The following NLN variants were observed in gnomAD, a reference collection of about 807,000 sequenced individuals.
NLN encodes neurolysin, mitochondrial.
NLN carries 64 observed loss-of-function variants against 79.9 expected under a neutral mutation model. The ratio of observed to expected loss-of-function variants is 0.80; its 90% confidence interval spans 0.65 to 0.99. The LOEUF is 0.99. Among genes scored for constraint, NLN ranks in the 50% least tolerant of loss-of-function variants. NLN has a pLI of 0.00. For synonymous variants in NLN, 267 were observed against 296.6 expected, an observed-to-expected ratio of 0.90 and a Z score of 1.02; for missense variants, 835 against 858.7, an observed-to-expected ratio of 0.97 and a Z score of 0.34.
In NLN at chr5:65,722,312, C is replaced by T; in HGVS notation, c.-62C>T. 4 of 1,420,200 alleles carry T rather than the reference C, an allele frequency of 2.8e-6. No homozygotes were observed. Among genetic ancestry groups the T allele is most frequent in the Non-Finnish European group, 3.8e-6 (4 of 1,061,540 alleles). 88.0% of individuals were successfully genotyped at this position (1,420,200 alleles called of 1,614,324 possible). A position where few individuals can be genotyped will look rare whatever the true frequency, so the allele number is the denominator to read the frequency against. On this transcript the variant is annotated 5_prime_UTR_variant, in exon 1 of 13. Coordinates refer to ENST00000380985, the MANE Select transcript of NLN (RefSeq NM_020726.5). ...CTCCCGGGCGCCCAGGCGCTGCCGC[C>T]CGCCTCGCCGCCCCACGCCGAAGGA...
At position 65,824,013 on chromosome 5, in the gene NLN, A is replaced by G. The variant is rs1760861203; in HGVS notation, c.*1098A>G. 6.6e-6 allele frequency: 1 copy of G among 152,166 alleles called. No individual in the cohort carries two copies. The highest frequency in any genetic ancestry group is 1.5e-5 in the Non-Finnish European group (1 of 68,040). The allele number at this position is 152,166 out of a possible 1,614,324, so 9.4% of individuals were successfully genotyped here. A position where few individuals can be genotyped will look rare whatever the true frequency, so the allele number is the denominator to read the frequency against. ...TGTCTGGTGATTTTTATTTTAAGTG[A>G]ACCTTTGGATCTATCTTTAACTCTC... On this transcript the variant is annotated 3_prime_UTR_variant, in exon 13 of 13. Coordinates refer to ENST00000380985, the MANE Select transcript of NLN (RefSeq NM_020726.5).
intron 9 of NLN, among the ~76,000 whole-genome samples, chr5:65,793,991 A>C (rs1204255409): frequency 1.3e-5 from 2 of 152,236 alleles, no homozygotes; most frequent in Non-Finnish European, 2.9e-5. Context: ...TCTTAAATCC[A>C]TACGGTGTCC....
At chr5:65,766,018 C>T (rs989824551) in intron 3 of NLN, among the ~76,000 whole-genome samples, 1 of 152,170 alleles carries the variant, frequency 6.6e-6, no homozygotes, top group African/African-American at 2.4e-5. Context: ...TACCCCAAAC[C>T]TTAGTGGCCT....
At chr5:65,752,863 T>C (rs1759129778) in intron 1 of NLN, among the ~76,000 whole-genome samples, 2 of 152,176 alleles carry the variant, frequency 1.3e-5, no homozygotes, top group African/African-American at 4.8e-5. Context: ...TAAGGTAAAA[T>C]CTCAGAAGGT....
At chr5:65,734,135 G>A (rs1339629365) in intron 1 of NLN, among the ~76,000 whole-genome samples, 1 of 138,798 alleles carries the variant, frequency 7.2e-6, no homozygotes, top group East Asian at 2.0e-4. Flanking sequence ...CTGACCTCGT[G>A]ATCCACCCGC....
At position 65,788,133 on chromosome 5, in the gene NLN, A is replaced by T; in HGVS notation, c.974A>T (p.Lys325Met). Residue 325 changes from lysine to methionine, a missense_variant, in exon 8 of 13, where the codon AAG (lysine) becomes ATG (methionine). Lys to Met is a moderately conservative substitution (Grantham distance 95). Coordinates refer to ENST00000380985, the MANE Select transcript of NLN (RefSeq NM_020726.5). The stretch of plus-strand genomic sequence containing the variant: ...TTCCTTACAGATGATTTAAGCCAGA[A>T]GTTAAAACCCTTGGGTGAAGCAGAA... ...VTAFLDDLSQ[K>M]LKPLGEAERE... The T allele has an allele frequency of 1.2e-6, 2 of 1,613,004 alleles. No individual in the cohort carries two copies. Among genetic ancestry groups the T allele is most frequent in the South Asian group, 2.2e-5 (2 of 90,998 alleles).
intron 1 of NLN, among the ~76,000 whole-genome samples, chr5:65,748,746 C>T (rs993690764): frequency 2.0e-5 from 3 of 152,098 alleles, no homozygotes; most frequent in Non-Finnish European, 2.9e-5. Flanking sequence ...GAACGAGACC[C>T]TGTCCCAAAA....
rs560096721 is a variant in NLN, at chr5:65,730,004, C to T, written c.41+7590C>T. Reference sequence around the variant, plus strand: ...CTTAGGCAAGAATACTTAAGTTCTCCGTATCTGTTTCCTCCTCAGTAAATT... The same window carrying T: ...CTTAGGCAAGAATACTTAAGTTCTCTGTATCTGTTTCCTCCTCAGTAAATT... On this transcript the variant is annotated intron_variant, in intron 1 of 12. Transcript: ENST00000380985. 7.3e-4 allele frequency among the ~76,000 whole-genome samples: 111 copies of T among 152,278 alleles called. 1 individual carries two copies. The highest frequency in any genetic ancestry group is 2.4e-3 in the African/African-American group (99 of 41,562).
Position 65,752,708 on chromosome 5 carries a change from C to CA in NLN, c.42-5855dup, listed in dbSNP as rs562584903. Among the ~76,000 whole-genome samples the CA allele has an allele frequency of 2.0e-4, 31 of 152,170 alleles. 1 individual carries two copies. In the East Asian group the frequency reaches 5.8e-3, roughly 28 times the overall value. On this transcript the variant is annotated intron_variant, in intron 1 of 12. Transcript: ENST00000380985. ...AAAGGGGAAGAGGAGGGATGCTCCG[C>CA]AAAATGAAGATGGGAGAGGAAAAGC...
rs3733657 is a variant in NLN, at chr5:65,825,540, G to A, written c.*2625G>A. 0.24 allele frequency: 37,014 copies of A among 152,000 alleles called. 5,286 individuals carry two copies. Among genetic ancestry groups the A allele is most frequent in the African/African-American group, 0.4 (16,524 of 41,400 alleles). The allele number at this position is 152,000 out of a possible 1,614,324, so 9.4% of individuals were successfully genotyped here. On this transcript the variant is annotated 3_prime_UTR_variant, in exon 13 of 13. Transcript: ENST00000380985. ...ATGTCTTGACGTTTTGCCACCTGAT[G>A]TAGACTTTGTCCCCCTCTAGTATAA...
Position 65,826,625 on chromosome 5 carries a change from A to G in NLN, c.*3710A>G. ...TGGTGAGAATAAAAGCAACAAAGAA[A>G]TGAATGTGGTGGCTCACACCTGTAA... On this transcript the variant is annotated 3_prime_UTR_variant, in exon 13 of 13. Coordinates refer to ENST00000380985, the MANE Select transcript of NLN (RefSeq NM_020726.5). 6.6e-6 allele frequency: 1 copy of G among 152,308 alleles called. No homozygotes were observed. 9.4% of individuals were successfully genotyped at this position (152,308 alleles called of 1,614,324 possible).
chr5:65,794,679 T>C, intron 9 of NLN, among the ~76,000 whole-genome samples: 1 of 152,194 alleles, frequency 6.6e-6, no homozygotes, highest in East Asian at 1.9e-4. Flanking sequence ...GCTAGTTTTT[T>C]TGATTTATGT....
In NLN at chr5:65,826,625, A is replaced by C; in HGVS notation, c.*3710A>C. 6.6e-6 allele frequency: 1 copy of C among 152,308 alleles called. No individual in the cohort carries two copies. The highest frequency in any genetic ancestry group is 2.1e-4 in the South Asian group (1 of 4,824). 9.4% of individuals were successfully genotyped at this position (152,308 alleles called of 1,614,324 possible). ...TGGTGAGAATAAAAGCAACAAAGAA[A>C]TGAATGTGGTGGCTCACACCTGTAA... On this transcript the variant is annotated 3_prime_UTR_variant, in exon 13 of 13. Coordinates refer to ENST00000380985, the MANE Select transcript of NLN (RefSeq NM_020726.5).
At chr5:65,739,041 A>G (rs899913531) in intron 1 of NLN, among the ~76,000 whole-genome samples, 1 of 135,638 alleles carries the variant, frequency 7.4e-6, no homozygotes, top group Non-Finnish European at 1.6e-5. Flanking sequence ...ATATATATAT[A>G]AAAAATATAT....
At chr5:65,737,869 T>A (rs1236129802) in intron 1 of NLN, among the ~76,000 whole-genome samples, 2 of 152,158 alleles carry the variant, frequency 1.3e-5, no homozygotes, top group African/African-American at 4.8e-5. Context: ...AGTGGTTCAC[T>A]CTTGTAATCC....
chr5:65,805,109 G>C (rs1408443744), intron 9 of NLN, among the ~76,000 whole-genome samples: 1 of 152,122 alleles, frequency 6.6e-6, no homozygotes, highest in Non-Finnish European at 1.5e-5. Flanking sequence ...CTTTATAAGA[G>C]AGTGAACTTA....
chr5:65,789,424 G>C (rs1760007497), intron 8 of NLN, among the ~76,000 whole-genome samples: 2 of 152,194 alleles, frequency 1.3e-5, no homozygotes, highest in South Asian at 4.1e-4. Flanking sequence ...ATCAGAGTTA[G>C]CTGCTACCAT....
chr5:65,751,120 A>G (rs1318623683), intron 1 of NLN, among the ~76,000 whole-genome samples: 1 of 152,100 alleles, frequency 6.6e-6, no homozygotes, highest in Non-Finnish European at 1.5e-5. Context: ...AGAAACATTA[A>G]TTGCAAAGCA....
At chr5:65,767,966 G>A (rs1759488186) in intron 3 of NLN, among the ~76,000 whole-genome samples, 1 of 152,142 alleles carries the variant, frequency 6.6e-6, no homozygotes, top group South Asian at 2.1e-4. Context: ...ATCTTCATCT[G>A]AGACCACCTC....
Sources: gnomAD v4.1 joint callset for allele counts (sites outside exome capture counted in the v4.1 genomes callset) on GRCh38, gnomAD v4.1.1 for gene constraint, MANE v1.5 for transcripts, NCBI Gene and HGNC (gene_info 2026-07-23, HGNC 2026-07-21) for gene names.